Variants in STEAP4 observed in about 807,000 individuals in gnomAD.
STEAP4 encodes STEAP4 metalloreductase, also known as metalloreductase STEAP4.
A neutral mutation model predicts 43.6 loss-of-function variants in STEAP4; 36 were observed. The observed-to-expected ratio is 0.83, with a 90% CI of 0.63 to 1.09. The LOEUF is 1.09. Among genes scored for constraint, STEAP4 ranks in the 50% least tolerant of loss-of-function variants. The pLI, the probability that STEAP4 is intolerant of heterozygous loss-of-function variation, is 0.00. For missense variants in STEAP4, 495 were observed against 546.5 expected (o/e 0.91, Z 0.94); for synonymous variants, 191 against 196.7 (o/e 0.97, Z 0.24).
chr7:88,290,744 T>G (rs1013979437), intron 1 of STEAP4, among the ~76,000 whole-genome samples: 3 of 152,128 alleles, frequency 2.0e-5, no homozygotes, highest in Non-Finnish European at 4.4e-5. Context: ...ATGGTCCAAA[T>G]TACCCTCAAG....
chr7:88,300,309 AG>A (rs1176164705), intron 1 of STEAP4, among the ~76,000 whole-genome samples: 1 of 152,142 alleles, frequency 6.6e-6, no homozygotes, highest in Non-Finnish European at 1.5e-5. Context: ...CTTGGGTTCA[AG>A]TGATTTTCAT....
In STEAP4 at chr7:88,272,236, A is replaced by G. The variant is rs1852446688; in HGVS notation, c.*7162T>C. The G allele has an allele frequency of 6.6e-6, 1 of 152,246 alleles. No homozygotes were observed. The highest frequency in any genetic ancestry group is 2.1e-4 in the South Asian group (1 of 4,836). The allele number at this position is 152,246 out of a possible 1,614,324, so 9.4% of individuals were successfully genotyped here. ...TTAAGCAAGGATTTGGTGGATGAAA[A>G]GCACAGTTTCCTTTCCCCTTGATGG... is the stretch of plus-strand genomic sequence containing the variant. On this transcript the variant is annotated 3_prime_UTR_variant, in exon 5 of 5. Coordinates refer to ENST00000380079, the MANE Select transcript of STEAP4 (RefSeq NM_024636.4).
At chr7:88,298,807 G>C (rs1178894284) in intron 1 of STEAP4, among the ~76,000 whole-genome samples, 1 of 152,038 alleles carries the variant, frequency 6.6e-6, no homozygotes. Context: ...CTTCAGGTTG[G>C]TTGCTAAAAA....
At chr7:88,283,212 CTTAT>C in intron 2 of STEAP4, 44 bp from the exon 3 acceptor site, 1 of 1,493,942 alleles carries the variant, frequency 6.7e-7, no homozygotes, top group Non-Finnish European at 8.9e-7. Flanking sequence ...ACTCCTTTTC[CTTAT>C]TTAATAATTA....
intron 1 of STEAP4, among the ~76,000 whole-genome samples, chr7:88,288,932 T>C (rs1160966101): frequency 6.6e-6 from 1 of 152,208 alleles, no homozygotes; most frequent in Non-Finnish European, 1.5e-5. Context: ...TGCAATAATC[T>C]AGGTTGTTTT....
chr7:88,303,348 T>C (rs1339491639), intron 1 of STEAP4, among the ~76,000 whole-genome samples: 1 of 151,784 alleles, frequency 6.6e-6, no homozygotes, highest in Non-Finnish European at 1.5e-5. Flanking sequence ...ATAAAAAAAT[T>C]AGCTGGGCAT....
chr7:88,281,103 C>T (rs757620120), intron 3 of STEAP4, 24 bp from the exon 4 acceptor site: 2 of 1,510,684 alleles, frequency 1.3e-6, no homozygotes, highest in Non-Finnish European at 1.8e-6. Context: ...TAAGCAATTA[C>T]AAAACTACAT....
At chr7:88,285,469 T>C (rs548878079) in intron 1 of STEAP4, among the ~76,000 whole-genome samples, 1 of 152,206 alleles carries the variant, frequency 6.6e-6, no homozygotes, top group African/African-American at 2.4e-5. Flanking sequence ...TATTAAATAT[T>C]AAAATTTTTA....
At chr7:88,295,262 C>T (rs998762951) in intron 1 of STEAP4, among the ~76,000 whole-genome samples, 1 of 152,154 alleles carries the variant, frequency 6.6e-6, no homozygotes, top group African/African-American at 2.4e-5. Flanking sequence ...TTTCCTAGCA[C>T]CCTTTCCTGT....
At chr7:88,296,215 C>G (rs1852921381) in intron 1 of STEAP4, among the ~76,000 whole-genome samples, 1 of 152,136 alleles carries the variant, frequency 6.6e-6, no homozygotes, top group Non-Finnish European at 1.5e-5. Context: ...TGTTACTAAT[C>G]AGTTGGGTGA....
At chr7:88,302,520 G>C (rs761902191) in intron 1 of STEAP4, among the ~76,000 whole-genome samples, 2 of 152,208 alleles carry the variant, frequency 1.3e-5, no homozygotes, top group South Asian at 2.1e-4. Flanking sequence ...TTCACACCCT[G>C]TAAAAAGAGC....
Position 88,274,889 on chromosome 7 carries a change from A to G in STEAP4, c.*4509T>C, listed in dbSNP as rs1852489481. The stretch of plus-strand genomic sequence containing the variant: ...TTTAGGCTGCTAATATATTATAATT[A>G]GCATATAATGAACAGCTGAGACAGC... On this transcript the variant is annotated 3_prime_UTR_variant, in exon 5 of 5. Transcript: ENST00000380079. 1 of 152,202 alleles carries G rather than the reference A, an allele frequency of 6.6e-6. No homozygotes were observed. The highest frequency in any genetic ancestry group is 2.4e-5 in the African/African-American group (1 of 41,446). The allele number at this position is 152,202 out of a possible 1,614,324, so 9.4% of individuals were successfully genotyped here.
intron 1 of STEAP4, among the ~76,000 whole-genome samples, chr7:88,297,113 AC>A (rs1163271469): frequency 6.6e-6 from 1 of 152,154 alleles, no homozygotes; most frequent in Non-Finnish European, 1.5e-5. Flanking sequence ...ACACATTAAC[AC>A]CTTCCTTCAT....
intron 1 of STEAP4, among the ~76,000 whole-genome samples, chr7:88,296,646 T>C (rs1852928603): frequency 6.6e-6 from 1 of 152,076 alleles, no homozygotes; most frequent in Admixed American, 6.6e-5. Context: ...ATCAGTCTTC[T>C]TGTGATTCAC....
intron 1 of STEAP4, among the ~76,000 whole-genome samples, chr7:88,294,128 C>T (rs908628499): frequency 6.6e-6 from 1 of 151,030 alleles, no homozygotes; most frequent in Non-Finnish European, 1.5e-5. Flanking sequence ...GTTAAGCATC[C>T]CTAACCCAAA....
chr7:88,303,573 T>A (rs1853076905), intron 1 of STEAP4, among the ~76,000 whole-genome samples: 1 of 151,846 alleles, frequency 6.6e-6, no homozygotes, highest in Non-Finnish European at 1.5e-5. Context: ...AGTAAACCTC[T>A]CCACACATGG....
intron 1 of STEAP4, among the ~76,000 whole-genome samples, chr7:88,296,863 C>T (rs1027715671): frequency 1.3e-5 from 2 of 151,954 alleles, no homozygotes; most frequent in Non-Finnish European, 2.9e-5. Flanking sequence ...GTAGCAAAAT[C>T]AGTAGACCTT....
chr7:88,301,868 G>C (rs1477292139), intron 1 of STEAP4, among the ~76,000 whole-genome samples: 1 of 152,056 alleles, frequency 6.6e-6, no homozygotes, highest in Non-Finnish European at 1.5e-5. Flanking sequence ...GAGCCGCCGT[G>C]TTTGGCCCCA....
chr7:88,284,497 C>CA (rs2115965958), intron 1 of STEAP4, among the ~76,000 whole-genome samples: 1 of 152,048 alleles, frequency 6.6e-6, no homozygotes, highest in Non-Finnish European at 1.5e-5. Context: ...TCTTATTTAA[C>CA]AAAATCACTG....
Sources: gnomAD v4.1 joint callset for allele counts (sites outside exome capture counted in the v4.1 genomes callset) on GRCh38, gnomAD v4.1.1 for gene constraint, MANE v1.5 for transcripts, NCBI Gene and HGNC (gene_info 2026-07-23, HGNC 2026-07-21) for gene names.